NOTCH3: variants seen among roughly 807,000 people sequenced by gnomAD.
The protein encoded by NOTCH3 is notch receptor 3.
NOTCH3 carries 86 observed loss-of-function variants against 213.3 expected under a neutral mutation model. That is an observed-to-expected ratio of 0.40 (90% confidence interval 0.34 to 0.48). NOTCH3 has a LOEUF of 0.48. NOTCH3 is among the 20% of genes least tolerant of loss of function. NOTCH3 has a pLI of 0.57. For synonymous variants in NOTCH3, 1,354 were observed against 1,355.9 expected (o/e 1.00, Z 0.03); for missense variants, 2,783 against 3,272.6 (o/e 0.85, Z 3.65).
chr19:15,195,935 TA>T (rs890356424), intron 2 of NOTCH3, among the ~76,000 whole-genome samples: 23 of 132,172 alleles, frequency 1.7e-4, no homozygotes, highest in African/African-American at 6.4e-4. Context: ...CAGACCTAGT[TA>T]GGGGGGGCAC....
In NOTCH3 at chr19:15,161,331, C is replaced by T. The variant is rs2145382127; in HGVS notation, c.6297G>A (p.Leu2099=). Reference sequence around the variant, plus strand: ...GGGAGTCCAGCGAGTCCACGGGCGACAGCGTGACCGAGCTGTCAGCCAGGG... The same window carrying T: ...GGGAGTCCAGCGAGTCCACGGGCGATAGCGTGACCGAGCTGTCAGCCAGGG... ...PGPLADSSVT[L]SPVDSLDSPR... The change falls in exon 33 of 33, where the codon CTG becomes CTA. Residue 2099 remains leucine, a synonymous_variant. Coordinates refer to ENST00000263388, the MANE Select transcript of NOTCH3 (RefSeq NM_000435.3). 1.3e-6 allele frequency: 2 copies of T among 1,526,268 alleles called. No homozygotes were observed. The highest frequency in any genetic ancestry group is 1.8e-6 in the Non-Finnish European group (2 of 1,139,122). 94.5% of individuals were successfully genotyped at this position (1,526,268 alleles called of 1,614,324 possible).
At chr19:15,200,145 C>G (rs1219374516) in intron 1 of NOTCH3, among the ~76,000 whole-genome samples, 1 of 150,566 alleles carries the variant, frequency 6.6e-6, no homozygotes, top group Non-Finnish European at 1.5e-5. Flanking sequence ...GCCCCTTCCC[C>G]TCCCCGCGCA....
intron 25 of NOTCH3, among the ~76,000 whole-genome samples, chr19:15,171,621 C>T (rs990516536): frequency 6.6e-6 from 1 of 151,604 alleles, no homozygotes; most frequent in Non-Finnish European, 1.5e-5. Flanking sequence ...CCTCAGCCTC[C>T]CAATGTGCTG....
At chr19:15,194,748 G>C (rs2046956024) in intron 2 of NOTCH3, among the ~76,000 whole-genome samples, 1 of 152,012 alleles carries the variant, frequency 6.6e-6, no homozygotes, top group Non-Finnish European at 1.5e-5. Flanking sequence ...CTGACATCAA[G>C]AGTTCGAGAC....
At chr19:15,181,498 G>T in intron 17 of NOTCH3, 78 bp downstream of exon 17, 1 of 1,223,836 alleles carries the variant, frequency 8.2e-7, no homozygotes, top group Non-Finnish European at 1.2e-6. Flanking sequence ...CCAAGTCGTT[G>T]CTGTCCCCAC....
In NOTCH3 at chr19:15,194,117, C is replaced by T. The variant is rs184833510; in HGVS notation, c.198-1598G>A. Among the ~76,000 whole-genome samples, 333 of 152,108 alleles carry T rather than the reference C, an allele frequency of 2.2e-3. 1 individual carries two copies. The highest frequency in any genetic ancestry group is 3.5e-3 in the Non-Finnish European group (236 of 67,980). On this transcript the variant is annotated intron_variant, in intron 2 of 32. Coordinates refer to ENST00000263388, the MANE Select transcript of NOTCH3 (RefSeq NM_000435.3). ...ATAAAAGATTAGCTGGCCGTGGTGG[C>T]TCACACCTGTAGTCCCAGCTTCTTG... is the stretch of plus-strand genomic sequence containing the variant.
In NOTCH3 at chr19:15,177,721, G is replaced by C. The variant is rs1235707432; in HGVS notation, c.4207C>G (p.Arg1403Gly). ...QAKRGDQRCD[R>G]ECNSPGCGWD... ...CCGCAGCCTGGGCTGTTGCACTCGCGGTCGCAGCGCTGGTCCCCGCGCTTG... is the reference window on the plus strand; with the variant it reads ...CCGCAGCCTGGGCTGTTGCACTCGCCGTCGCAGCGCTGGTCCCCGCGCTTG... Residue 1403 changes from arginine (R) to glycine (G), a missense_variant, in exon 24 of 33, where the codon CGC (arginine) becomes GGC (glycine). Around this residue, in one of 6 missense-constraint regions of NOTCH3, gnomAD observed 133 missense variants for 201.9 expected, o/e 0.66. Coordinates refer to ENST00000263388, the MANE Select transcript of NOTCH3 (RefSeq NM_000435.3). 3 of 1,531,092 alleles carry C rather than the reference G, an allele frequency of 2.0e-6. No homozygotes were observed. The highest frequency in any genetic ancestry group is 2.6e-6 in the Non-Finnish European group (3 of 1,145,302). The allele number at this position is 1,531,092 out of a possible 1,614,324, so 94.8% of individuals were successfully genotyped here.
chr19:15,170,478 A>T lies in NOTCH3; in HGVS notation c.4967T>A (p.Val1656Asp). 6.2e-7 allele frequency: 1 copy of T among 1,607,060 alleles called. No homozygotes were observed. Among genetic ancestry groups the T allele is most frequent in the Non-Finnish European group, 8.5e-7 (1 of 1,179,930 alleles). ...LLVAGAVLLL[V>D]ILVLGVMVAR... ...CACCATGACACCCAGGACGAGAATG[A>T]CCAGCAGCAAGACAGCGCCCGCCAC... Residue 1656 changes from valine to aspartate, a missense_variant, in exon 27 of 33, where the codon GTC becomes GAC. By Grantham distance (152) the Val-to-Asp change is radical (BLOSUM62 -3). Coordinates refer to ENST00000263388, the MANE Select transcript of NOTCH3 (RefSeq NM_000435.3).
chr19:15,176,458 G>A (rs544639944), intron 24 of NOTCH3, among the ~76,000 whole-genome samples: 20 of 151,738 alleles, frequency 1.3e-4, no homozygotes, highest in Middle Eastern at 6.8e-3. Flanking sequence ...CACTGTGCCC[G>A]GCCAATAAAA....
intron 2 of NOTCH3, among the ~76,000 whole-genome samples, chr19:15,196,099 G>C (rs576190066): frequency 5.9e-4 from 90 of 152,068 alleles, no homozygotes; most frequent in Admixed American, 1.7e-3. Flanking sequence ...AGACTCGTGG[G>C]GGGTGGAGGG....
chr19:15,177,704 T>C lies in NOTCH3; in HGVS notation c.4224A>G (p.Pro1408=), dbSNP rs2046803481. 2.0e-6 allele frequency: 3 copies of C among 1,537,766 alleles called. No homozygotes were observed. Among genetic ancestry groups the C allele is most frequent in the Non-Finnish European group, 2.6e-6 (3 of 1,149,022 alleles). The change falls in exon 24 of 33, where the codon CCA becomes CCG. Residue 1408 remains proline, a synonymous_variant. Transcript: ENST00000263388. ...DQRCDRECNS[P]GCGWDGGDCS... is the part of the protein sequence containing the mutation. ...AGTCGCCGCCGTCCCAGCCGCAGCC[T>C]GGGCTGTTGCACTCGCGGTCGCAGC...
intron 24 of NOTCH3, among the ~76,000 whole-genome samples, chr19:15,176,873 G>T (rs984901413): frequency 1.3e-5 from 2 of 150,784 alleles, no homozygotes; most frequent in African/African-American, 2.4e-5. Flanking sequence ...GAGTTCGTGA[G>T]CAGCCTGGCC....
chr19:15,183,407 T>TGTTTGTTTGTTTGTTC (rs1260834000), intron 16 of NOTCH3, among the ~76,000 whole-genome samples: 7 of 151,954 alleles, frequency 4.6e-5, no homozygotes, highest in East Asian at 1.9e-4. Flanking sequence ...TTTGTTTGTT[T>TGTTTGTTTGTTTGTTC]GTTCGTTTTT....
rs570422048 is a variant in NOTCH3, at chr19:15,160,548, T to G, written c.*114A>C. The G allele has an allele frequency of 3.4e-6, 3 of 895,368 alleles. No individual in the cohort carries two copies. Among genetic ancestry groups the G allele is most frequent in the Admixed American group, 1.7e-5 (1 of 58,580 alleles). The allele number at this position is 895,368 out of a possible 1,614,324, so 55.5% of individuals were successfully genotyped here. A position where few individuals can be genotyped will look rare whatever the true frequency, so the allele number is the denominator to read the frequency against. On this transcript the variant is annotated 3_prime_UTR_variant, in exon 33 of 33. Transcript: ENST00000263388. ...GCTGCAAGGCAAGGATGCAGGAGGG[T>G]TGGTGGAAAGAGAAGAGGATGAAAA...
At chr19:15,172,648 C>T (rs1890039847) in intron 25 of NOTCH3, among the ~76,000 whole-genome samples, 2 of 151,434 alleles carry the variant, frequency 1.3e-5, no homozygotes, top group African/African-American at 2.4e-5. Context: ...TAGCAGGATA[C>T]TTCTATATTT....
At chr19:15,181,522 C>T in intron 17 of NOTCH3, 54 bp downstream of exon 17, 1 of 1,467,934 alleles carries the variant, frequency 6.8e-7, no homozygotes, top group Non-Finnish European at 9.3e-7. Context: ...GTCCCAGGTC[C>T]CAGGCCCCAT....
In NOTCH3 at chr19:15,161,150, G is replaced by A; in HGVS notation, c.6478C>T (p.Leu2160=). ...RQPPGGCVLS[L]GLLNPVAVPL... ...ACAGCCACAGGGTTCAGCAGGCCCA[G>A]GCTGAGTACACATCCTCCAGGGGGC... Residue 2160 remains leucine, a synonymous_variant, in exon 33 of 33, where the codon CTG becomes TTG. Transcript: ENST00000263388. The A allele has an allele frequency of 6.5e-7, 1 of 1,539,330 alleles. No individual in the cohort carries two copies. Among genetic ancestry groups the A allele is most frequent in the Non-Finnish European group, 8.7e-7 (1 of 1,148,656 alleles).
Position 15,187,920 on chromosome 19 carries a change from C to A in NOTCH3, c.1567G>T (p.Val523Leu). 1 of 1,550,024 alleles carries A rather than the reference C, an allele frequency of 6.5e-7. No homozygotes were observed. ...STPCRNGAKC[V>L]DQPDGYECRC... ...CACTCGTAGCCATCGGGCTGGTCCA[C>A]GCATTTGGCGCCATTCCTGCAGGGC... is the stretch of plus-strand genomic sequence containing the variant. Residue 523 changes from valine to leucine, a missense_variant, in exon 10 of 33, where the codon GTG (valine) becomes TTG (leucine). Physicochemically the swap from Val to Leu is conservative, Grantham distance 32 (BLOSUM62 1). Around this residue, in one of 6 missense-constraint regions of NOTCH3, gnomAD observed 708 missense variants for 906.6 expected, o/e 0.78. Coordinates refer to ENST00000263388, the MANE Select transcript of NOTCH3 (RefSeq NM_000435.3).
Position 15,170,087 on chromosome 19 carries a change from T to C in NOTCH3, c.5198A>G (p.Lys1733Arg). 1 of 1,577,014 alleles carries C rather than the reference T, an allele frequency of 6.3e-7. No individual in the cohort carries two copies. The highest frequency in any genetic ancestry group is 8.6e-7 in the Non-Finnish European group (1 of 1,157,454). The change falls in exon 28 of 33, where the codon AAG (lysine) becomes AGG (arginine). Residue 1733 changes from lysine (K) to arginine (R), a missense_variant and splice_region_variant. Around this residue, in one of 6 missense-constraint regions of NOTCH3, gnomAD observed 636 missense variants for 801.8 expected, o/e 0.79. Coordinates refer to ENST00000263388, the MANE Select transcript of NOTCH3 (RefSeq NM_000435.3). ...CAAAGGTCAGAGGGGGGGCAGTACC[T>C]TTAGCCGCTTGGCCTCTGGGCACTC... ...DTECPEAKRL[K>R]VEEPGMGAEE...
Sources: gnomAD v4.1 joint callset for allele counts (sites outside exome capture counted in the v4.1 genomes callset) on GRCh38, gnomAD v4.1.1 for gene constraint, gnomAD v4.1.1 regional missense constraint, MANE v1.5 for transcripts, NCBI Gene and HGNC (gene_info 2026-07-23, HGNC 2026-07-21) for gene names.